Variants in MYO10 observed in about 807,000 individuals in gnomAD.
MYO10 encodes unconventional myosin-X.
A neutral mutation model predicts 257.3 loss-of-function variants in MYO10; 133 were observed. That is an observed-to-expected ratio of 0.52 (90% CI 0.45 to 0.60). The LOEUF is 0.60. Among genes scored for constraint, MYO10 ranks in the 20% least tolerant of loss-of-function variants. The pLI is 0.00. For missense variants in MYO10, 2,399 were observed against 2,635.7 expected, an observed-to-expected ratio of 0.91 and a Z score of 1.97; for synonymous variants, 1,104 against 1,028.6, an observed-to-expected ratio of 1.07 and a Z score of -1.40.
chr5:16,784,170 T>G (rs915597573), intron 4 of MYO10, among the ~76,000 whole-genome samples: 1 of 152,020 alleles, frequency 6.6e-6, no homozygotes, highest in African/African-American at 2.4e-5. Flanking sequence ...CCAGCAAACA[T>G]GAGTCAGGCC....
At chr5:16,670,120 T>C (rs1183774437) in intron 39 of MYO10, among the ~76,000 whole-genome samples, 5 of 152,200 alleles carry the variant, frequency 3.3e-5, no homozygotes, top group African/African-American at 7.2e-5. Context: ...CATTACGAGA[T>C]AGACATTCTT....
chr5:16,745,461 G>A (rs1740164176), intron 19 of MYO10, among the ~76,000 whole-genome samples: 1 of 152,204 alleles, frequency 6.6e-6, no homozygotes, highest in Admixed American at 6.5e-5. Context: ...CAAAGCAGGA[G>A]AATCGCTTGA....
intron 9 of MYO10, among the ~76,000 whole-genome samples, chr5:16,772,930 T>G (rs1306068595): frequency 1.3e-5 from 2 of 152,168 alleles, no homozygotes; most frequent in Non-Finnish European, 2.9e-5. Flanking sequence ...GGGTTGGGAT[T>G]GCCTGGGAAG....
intron 19 of MYO10, among the ~76,000 whole-genome samples, chr5:16,750,976 CAA>C (rs1158706207): frequency 6.6e-6 from 1 of 152,100 alleles, no homozygotes; most frequent in Non-Finnish European, 1.5e-5. Context: ...GCCTGGGTAA[CAA>C]GAGCAAAACT....
intron 9 of MYO10, among the ~76,000 whole-genome samples, chr5:16,777,191 C>A (rs1332678409): frequency 2.6e-5 from 4 of 152,172 alleles, no homozygotes; most frequent in African/African-American, 9.7e-5. Flanking sequence ...AAATCCCACA[C>A]CTCCGCAGGC....
intron 19 of MYO10, chr5:16,713,507 C>T (rs540187507): frequency 7.1e-6 from 7 of 985,292 alleles, no homozygotes; most frequent in South Asian, 9.4e-5. Context: ...CTTCCATTCT[C>T]GGGCTAATTA....
intron 1 of MYO10, among the ~76,000 whole-genome samples, chr5:16,904,104 A>G (rs1332277229): frequency 3.0e-5 from 4 of 133,870 alleles, no homozygotes; most frequent in African/African-American, 1.4e-4. Flanking sequence ...GTTGACCAGT[A>G]ACCAGTGAAA....
intron 1 of MYO10, among the ~76,000 whole-genome samples, chr5:16,889,377 G>C (rs549226118): frequency 4.4e-4 from 67 of 151,664 alleles, no homozygotes; most frequent in Non-Finnish European, 8.7e-4. Flanking sequence ...CTATACTCCA[G>C]CCTGGGCAAC....
At chr5:16,713,566 G>C (rs1237620614) in intron 19 of MYO10, 1 of 856,602 alleles carries the variant, frequency 1.2e-6, no homozygotes, top group Non-Finnish European at 1.4e-6. Flanking sequence ...GGGAGGGAGG[G>C]AGCAAGGAGC....
chr5:16,674,496 T>C (rs191264594), intron 35 of MYO10, among the ~76,000 whole-genome samples: 77 of 152,034 alleles, frequency 5.1e-4, no homozygotes, highest in Non-Finnish European at 8.2e-4. Flanking sequence ...AGACACTTCT[T>C]TTTCTATAGC....
chr5:16,904,551 G>A (rs114112849), intron 1 of MYO10, among the ~76,000 whole-genome samples: 3 of 152,250 alleles, frequency 2.0e-5, no homozygotes, highest in African/African-American at 7.2e-5. Flanking sequence ...ACTGAATGAG[G>A]GGACGCCCAG....
intron 1 of MYO10, among the ~76,000 whole-genome samples, chr5:16,919,787 G>A (rs1211409598): frequency 1.3e-5 from 2 of 152,062 alleles, no homozygotes; most frequent in African/African-American, 4.8e-5. Context: ...GACCAGCCTG[G>A]CCAACATGGA....
chr5:16,742,071 G>A (rs756101033), intron 19 of MYO10: 91 of 985,212 alleles, frequency 9.2e-5, no homozygotes, highest in Admixed American at 3.7e-4. Flanking sequence ...CATCATGCAC[G>A]CATCAACAAA....
In MYO10 at chr5:16,668,431, C is replaced by T; in HGVS notation, c.5921G>A (p.Gly1974Asp). Residue 1974 changes from glycine to aspartate, a missense_variant, in exon 40 of 41, where the codon GGT becomes GAT. This residue lies in a region of MYO10 where 1,820 missense variants were observed against 1,939.4 expected (regional missense o/e 0.94). Transcript: ENST00000513610. Reference sequence around the variant, plus strand: ...GACGGAGACGGCGTCCGCGCTGACACCCAACCAGAGTTCCTGAGGGAAGCC... The same window carrying T: ...GACGGAGACGGCGTCCGCGCTGACATCCAACCAGAGTTCCTGAGGGAAGCC... ...EGGFPQELWL[G>D]VSADAVSVYK... 1 of 1,612,178 alleles carries T rather than the reference C, an allele frequency of 6.2e-7. No homozygotes were observed. Among genetic ancestry groups the T allele is most frequent in the Non-Finnish European group, 8.5e-7 (1 of 1,179,256 alleles).
At chr5:16,902,928 G>A (rs1378063204) in intron 1 of MYO10, among the ~76,000 whole-genome samples, 1 of 152,230 alleles carries the variant, frequency 6.6e-6, no homozygotes, top group Non-Finnish European at 1.5e-5. Flanking sequence ...AGGCCCAGAA[G>A]GACATGGAAT....
intron 37 of MYO10, 47 bp from the exon 38 acceptor site, chr5:16,671,589 C>T (rs1245610778): frequency 1.2e-6 from 2 of 1,611,468 alleles, no homozygotes; most frequent in Admixed American, 1.7e-5. Context: ...CGAGAAGGGC[C>T]TTCAGTGACC....
chr5:16,900,440 A>G (rs1160375790), intron 1 of MYO10, among the ~76,000 whole-genome samples: 1 of 152,172 alleles, frequency 6.6e-6, no homozygotes, highest in African/African-American at 2.4e-5. Flanking sequence ...GCCTGAACAG[A>G]GAAAAAAACT....
chr5:16,790,895 T>TTA (rs576552609), intron 4 of MYO10, among the ~76,000 whole-genome samples: 51,175 of 143,940 alleles, frequency 0.36, 9,596 homozygotes, highest in Non-Finnish European at 0.42. Flanking sequence ...AGTTTTAAAT[T>TTA]TATATATATA....
At chr5:16,802,955 T>C (rs1033208795) in intron 3 of MYO10, among the ~76,000 whole-genome samples, 1 of 137,712 alleles carries the variant, frequency 7.3e-6, no homozygotes, top group African/African-American at 2.7e-5. Flanking sequence ...AAAAAAAAAA[T>C]TTACCCATGT....
Sources: allele counts gnomAD v4.1 joint callset (sites outside exome capture counted in the v4.1 genomes callset), GRCh38; gene constraint gnomAD v4.1.1; regional missense constraint gnomAD v4.1.1; transcripts MANE v1.5; gene names NCBI Gene and HGNC (gene_info 2026-07-23, HGNC 2026-07-21).